The following IST1 variants were observed in gnomAD, a reference collection of about 807,000 sequenced individuals.
IST1 encodes the protein IST1 homolog.
Under a neutral mutation model 37.0 loss-of-function variants are expected in IST1, and 23 were observed. That is an observed-to-expected ratio of 0.62 (90% confidence interval 0.45 to 0.88). The LOEUF is 0.88. Ranked by LOEUF, IST1 falls within the 40% of genes least tolerant of loss-of-function variation. IST1 has a pLI of 0.00. For synonymous variants in IST1, 180 were observed against 161.7 expected (o/e 1.11, Z -0.86); for missense variants, 488 against 445.4 (o/e 1.10, Z -0.86).
At chr16:71,903,570 C>T (rs1028219835) in intron 1 of IST1, 1 of 152,124 alleles carries the variant, frequency 6.6e-6, no homozygotes, top group Admixed American at 6.6e-5. Context: ...TTGTTTTCCT[C>T]TTCTTTAAAA....
chr16:71,930,105 G>T lies in IST1; in HGVS notation c.*2292G>T. On this transcript the variant is annotated 3_prime_UTR_variant, in exon 10 of 10. Transcript: ENST00000378799. The stretch of plus-strand genomic sequence containing the variant: ...GCCATGAGAATGGCCGAAACGAAAA[G>T]ATTAATTACCACAAGTACCATCAAG... 1 of 1,551,614 alleles carries T rather than the reference G, an allele frequency of 6.4e-7. No individual in the cohort carries two copies. Among genetic ancestry groups the T allele is most frequent in the East Asian group, 2.4e-5 (1 of 40,916 alleles).
At chr16:71,904,624 G>T (rs570150322) in intron 1 of IST1, among the ~76,000 whole-genome samples, 1 of 152,100 alleles carries the variant, frequency 6.6e-6, no homozygotes, top group Non-Finnish European at 1.5e-5. Flanking sequence ...TCTTAGTCTG[G>T]TCTTGAACTC....
At chr16:71,926,349 A>C (rs1038064356) in intron 9 of IST1, among the ~76,000 whole-genome samples, 1 of 150,054 alleles carries the variant, frequency 6.7e-6, no homozygotes, top group African/African-American at 2.5e-5. Context: ...AAAAACTCAT[A>C]GTTTTTTTTT....
chr16:71,916,966 G>T, intron 3 of IST1, 81 bp from the exon 4 acceptor site: 1 of 834,630 alleles, frequency 1.2e-6, no homozygotes, highest in East Asian at 2.6e-5. Context: ...GGCTTTGGAG[G>T]CTATAAAGTA....
chr16:71,906,102 C>A (rs1227079872), intron 1 of IST1, among the ~76,000 whole-genome samples: 1 of 149,904 alleles, frequency 6.7e-6, no homozygotes, highest in Non-Finnish European at 1.5e-5. Context: ...CTCCCAGGTT[C>A]AACCAATTCT....
rs558922337 is a variant in IST1 at position 71,911,157 on chromosome 16, C to T, written c.-15-4469C>T. Among the ~76,000 whole-genome samples the T allele has an allele frequency of 3.9e-5, 6 of 152,204 alleles. No individual in the cohort carries two copies. The East Asian group carries it at 1.2e-3, about 29-fold the overall frequency. On this transcript the variant is annotated intron_variant, in intron 1 of 9. Transcript: ENST00000378799. Reference sequence around the variant, plus strand: ...TTGGGAGGCTGAGGCAGGAGAATAGCTTAAACCCAGGAGGCAGAGGTTGCA... The same window carrying T: ...TTGGGAGGCTGAGGCAGGAGAATAGTTTAAACCCAGGAGGCAGAGGTTGCA...
intron 1 of IST1, among the ~76,000 whole-genome samples, chr16:71,915,048 C>G (rs902459209): frequency 6.6e-6 from 1 of 152,102 alleles, no homozygotes; most frequent in African/African-American, 2.4e-5. Context: ...TTGTGTAACC[C>G]TGTATGTGAG....
intron 8 of IST1, 163 bp downstream of exon 8, chr16:71,923,543 T>C (rs775456699): frequency 1.1e-5 from 5 of 463,566 alleles, no homozygotes; most frequent in Non-Finnish European, 1.9e-5. Context: ...CCTGGAAATG[T>C]GGAGTGGGTG....
intron 9 of IST1, among the ~76,000 whole-genome samples, chr16:71,925,878 T>C (rs1260854131): frequency 6.6e-6 from 1 of 152,080 alleles, no homozygotes; most frequent in Non-Finnish European, 1.5e-5. Context: ...GAGTTCAAGA[T>C]TACAGTGAGT....
chr16:71,899,058 G>A (rs1218026774), intron 1 of IST1, among the ~76,000 whole-genome samples: 2 of 151,830 alleles, frequency 1.3e-5, no homozygotes, highest in Non-Finnish European at 2.9e-5. Flanking sequence ...ACAAGATGAA[G>A]ATACTTTCTT....
At chr16:71,895,061 G>C (rs1384224453), upstream of IST1, 2 of 459,536 alleles carry the variant, frequency 4.4e-6, no homozygotes, top group Non-Finnish European at 3.9e-6. Flanking sequence ...GAAGAGTCAG[G>C]GATACGCAGG....
At chr16:71,922,435 G>T in intron 6 of IST1, 39 bp from the exon 7 acceptor site, 6 of 1,572,336 alleles carry the variant, frequency 3.8e-6, no homozygotes, top group Non-Finnish European at 5.2e-6. Context: ...CCTGGCCTTG[G>T]ACATGGGTTA....
At chr16:71,902,279 T>C (rs2037125142) in intron 1 of IST1, among the ~76,000 whole-genome samples, 1 of 151,654 alleles carries the variant, frequency 6.6e-6, no homozygotes. Context: ...ATTTAATTGT[T>C]TTTTTTTTGA....
In IST1 at chr16:71,930,159, C is replaced by G; in HGVS notation, c.*2346C>G. The G allele has an allele frequency of 6.5e-7, 1 of 1,550,220 alleles. No individual in the cohort carries two copies. Among genetic ancestry groups the G allele is most frequent in the African/African-American group, 1.4e-5 (1 of 73,036 alleles). On this transcript the variant is annotated 3_prime_UTR_variant, in exon 10 of 10. Coordinates refer to ENST00000378799, the MANE Select transcript of IST1 (RefSeq NM_001270975.2). ...ACACTGGTGAGGATCAGAAAGGTGC[C>G]CAGGACTGGGTCTAAAGCGAAAACC... is the stretch of plus-strand genomic sequence containing the variant.
Position 71,929,384 on chromosome 16 carries a change from CAGT to C in IST1, c.*1572_*1574del. The C allele has an allele frequency of 2.8e-6, 2 of 710,144 alleles. No homozygotes were observed. Among genetic ancestry groups the C allele is most frequent in the Non-Finnish European group, 4.4e-6 (2 of 453,006 alleles). 44.0% of individuals were successfully genotyped at this position (710,144 alleles called of 1,614,324 possible). The stretch of plus-strand genomic sequence containing the variant: ...TCTTGCATTGTTAATCCTATCTTGA[CAGT>C]GCCAAGATCCATAAGAACTTGGGAC... On this transcript the variant is annotated 3_prime_UTR_variant, in exon 10 of 10. Transcript: ENST00000378799.
intron 1 of IST1, among the ~76,000 whole-genome samples, chr16:71,906,869 T>G (rs868460436): frequency 2.0e-5 from 3 of 152,084 alleles, no homozygotes; most frequent in Admixed American, 6.6e-5. Context: ...TTTCAATATT[T>G]TAAAAAATTG....
intron 4 of IST1, among the ~76,000 whole-genome samples, chr16:71,919,774 G>C (rs2037539649): frequency 6.6e-6 from 1 of 152,160 alleles, no homozygotes; most frequent in Non-Finnish European, 1.5e-5. Context: ...TGATTCTGCT[G>C]TTAGAAGCTG....
At chr16:71,894,650 CGAGTAGCT>C (rs1384384974), upstream of IST1, 1 of 535,564 alleles carries the variant, frequency 1.9e-6, no homozygotes, top group African/African-American at 2.0e-5. Context: ...CTCAGCCTCC[CGAGTAGCT>C]GAGACCACAA....
intron 1 of IST1, chr16:71,903,373 T>G (rs979941944): frequency 6.6e-6 from 1 of 152,170 alleles, no homozygotes; most frequent in Admixed American, 6.5e-5. Context: ...TATATATTTT[T>G]TTTTTCAGTA....
Sources: allele counts gnomAD v4.1 joint callset (sites outside exome capture counted in the v4.1 genomes callset), GRCh38; gene constraint gnomAD v4.1.1; transcripts MANE v1.5; gene names NCBI Gene and HGNC (gene_info 2026-07-23, HGNC 2026-07-21).